PTPRR: variants seen among roughly 807,000 people sequenced by gnomAD.
The protein encoded by PTPRR is receptor-type tyrosine-protein phosphatase R.
PTPRR carries 38 observed loss-of-function variants against 77.2 expected under a neutral mutation model. The observed-to-expected ratio is 0.49, with a 90% CI of 0.38 to 0.65. PTPRR has a LOEUF of 0.65. Among genes scored for constraint, PTPRR ranks in the 30% least tolerant of loss-of-function variants. PTPRR has a pLI of 0.00. For missense variants in PTPRR, 744 were observed against 799.2 expected (o/e 0.93, Z 0.83); for synonymous variants, 299 against 283.1 (o/e 1.06, Z -0.57).
At chr12:70,740,841 A>G (rs565284944) in intron 6 of PTPRR, among the ~76,000 whole-genome samples, 27 of 152,260 alleles carry the variant, frequency 1.8e-4, no homozygotes, top group African/African-American at 6.5e-4. Context: ...TCACTCCAGG[A>G]TCAAAAGATG....
intron 13 of PTPRR, among the ~76,000 whole-genome samples, chr12:70,649,425 A>T (rs996532855): frequency 6.6e-6 from 1 of 152,166 alleles, no homozygotes; most frequent in Non-Finnish European, 1.5e-5. Context: ...TAGTGGTTGG[A>T]GGTTGTTAAA....
intron 2 of PTPRR, among the ~76,000 whole-genome samples, chr12:70,776,647 A>G (rs1891094714): frequency 6.6e-6 from 1 of 151,866 alleles, no homozygotes; most frequent in African/African-American, 2.4e-5. Context: ...TTGTTAGCGC[A>G]CACCGGGATC....
At chr12:70,750,285 C>T (rs1592731124) in intron 5 of PTPRR, among the ~76,000 whole-genome samples, 1 of 152,190 alleles carries the variant, frequency 6.6e-6, no homozygotes, top group African/African-American at 2.4e-5. Context: ...TATAATAAAA[C>T]CCATGCTTTT....
At chr12:70,701,075 G>A (rs1051499403) in intron 7 of PTPRR, 62 bp downstream of exon 7, 8 of 1,552,736 alleles carry the variant, frequency 5.2e-6, no homozygotes, top group South Asian at 3.4e-5. Context: ...ATTTCCATAC[G>A]TCTCTAGTGC....
intron 2 of PTPRR, among the ~76,000 whole-genome samples, chr12:70,867,274 T>C (rs760472061): frequency 1.6e-3 from 241 of 152,156 alleles, no homozygotes; most frequent in Non-Finnish European, 1.6e-3. Flanking sequence ...ATGACATGAT[T>C]GTATATCTAG....
At chr12:70,855,509 A>G (rs922316181) in intron 2 of PTPRR, among the ~76,000 whole-genome samples, 1 of 152,170 alleles carries the variant, frequency 6.6e-6, no homozygotes, top group Non-Finnish European at 1.5e-5. Flanking sequence ...TGTCCTGTAC[A>G]TAGAAATACC....
chr12:70,775,939 C>T (rs570172459), intron 2 of PTPRR, among the ~76,000 whole-genome samples: 5 of 151,968 alleles, frequency 3.3e-5, no homozygotes, highest in African/African-American at 9.7e-5. Flanking sequence ...TATGCTTTCA[C>T]CCCTTCCCTT....
At chr12:70,813,331 A>C (rs1439882094) in intron 2 of PTPRR, among the ~76,000 whole-genome samples, 1 of 152,202 alleles carries the variant, frequency 6.6e-6, no homozygotes, top group Non-Finnish European at 1.5e-5. Flanking sequence ...TTTTGCATTG[A>C]CCTATTACAG....
At chr12:70,646,701 T>C (rs1173762127) in intron 13 of PTPRR, among the ~76,000 whole-genome samples, 2 of 152,188 alleles carry the variant, frequency 1.3e-5, no homozygotes, top group Admixed American at 6.5e-5. Context: ...AATCAAAATG[T>C]TGAATTCCTG....
intron 2 of PTPRR, among the ~76,000 whole-genome samples, chr12:70,857,459 G>A (rs902183344): frequency 1.3e-5 from 2 of 152,120 alleles, no homozygotes; most frequent in Non-Finnish European, 2.9e-5. Flanking sequence ...TAGAGAATGA[G>A]GATAGACTAC....
At chr12:70,709,419 G>C (rs1565659083) in intron 6 of PTPRR, among the ~76,000 whole-genome samples, 1 of 152,084 alleles carries the variant, frequency 6.6e-6, no homozygotes, top group Non-Finnish European at 1.5e-5. Flanking sequence ...AGACAAGAAT[G>C]CTTTCACCAC....
intron 10 of PTPRR, among the ~76,000 whole-genome samples, chr12:70,671,423 T>C (rs975175077): frequency 6.6e-6 from 1 of 152,176 alleles, no homozygotes; most frequent in African/African-American, 2.4e-5. Context: ...ACATAAATGT[T>C]TGACTTTGAT....
chr12:70,890,509 T>C (rs1893317112), intron 2 of PTPRR, among the ~76,000 whole-genome samples: 2 of 152,070 alleles, frequency 1.3e-5, no homozygotes, highest in Non-Finnish European at 2.9e-5. Flanking sequence ...GAAAAAAGTA[T>C]TGGAGGAAAA....
intron 2 of PTPRR, 43 bp from the exon 3 acceptor site, chr12:70,764,821 T>C: frequency 7.1e-7 from 1 of 1,401,800 alleles, no homozygotes; most frequent in Admixed American, 1.7e-5. Flanking sequence ...ATAGTATTAA[T>C]TTGTATAGAT....
At chr12:70,832,457 GA>G (rs1373166494) in intron 2 of PTPRR, among the ~76,000 whole-genome samples, 1 of 152,188 alleles carries the variant, frequency 6.6e-6, no homozygotes, top group Non-Finnish European at 1.5e-5. Flanking sequence ...GAACTAGAGA[GA>G]ACATGATACA....
chr12:70,868,286 C>T (rs893132091), intron 2 of PTPRR, among the ~76,000 whole-genome samples: 8 of 151,504 alleles, frequency 5.3e-5, no homozygotes, highest in African/African-American at 1.7e-4. Flanking sequence ...GCAACCTACT[C>T]ATCTGACAAA....
chr12:70,857,302 G>A (rs536941628), intron 2 of PTPRR, among the ~76,000 whole-genome samples: 2 of 152,224 alleles, frequency 1.3e-5, no homozygotes, highest in East Asian at 3.9e-4. Context: ...CCATGAAGAA[G>A]GGAGGAGTCA....
chr12:70,644,733 G>T (rs957934774), intron 13 of PTPRR, among the ~76,000 whole-genome samples: 2 of 152,174 alleles, frequency 1.3e-5, no homozygotes, highest in Admixed American at 1.3e-4. Flanking sequence ...AGGCTCTGGA[G>T]TGAGGCCCCC....
In PTPRR at chr12:70,747,220, C is replaced by G. The variant is rs1430745135; in HGVS notation, c.739-1134G>C. Among the ~76,000 whole-genome samples the G allele has an allele frequency of 2.0e-5, 3 of 152,168 alleles. No individual in the cohort carries two copies. The South Asian group carries it at 6.2e-4, about 32-fold the overall frequency. On this transcript the variant is annotated intron_variant, in intron 5 of 13. Coordinates refer to ENST00000283228, the MANE Select transcript of PTPRR (RefSeq NM_002849.4). ...GACCTTCACGGTGTAAAAACAAAAC[C>G]TGCACTAGAACAGTATCAATCAGAT...
Sources: gnomAD v4.1 joint callset for allele counts (sites outside exome capture counted in the v4.1 genomes callset) on GRCh38, gnomAD v4.1.1 for gene constraint, MANE v1.5 for transcripts, NCBI Gene and HGNC (gene_info 2026-07-23, HGNC 2026-07-21) for gene names.